The following PKP4 variants were observed in gnomAD, a reference collection of about 807,000 sequenced individuals.
PKP4 encodes plakophilin 4, also known as plakophilin-4.
PKP4 carries 90 observed loss-of-function variants against 145.1 expected under a neutral mutation model. The ratio of observed to expected loss-of-function variants is 0.62; its 90% CI spans 0.52 to 0.74. PKP4 has a LOEUF of 0.74. Among genes scored for constraint, PKP4 ranks in the 30% least tolerant of loss-of-function variants. The pLI is 0.00. For synonymous variants in PKP4, 563 were observed against 577.2 expected (o/e 0.98, Z 0.35); for missense variants, 1,340 against 1,482.7 (o/e 0.90, Z 1.58).
intron 4 of PKP4, among the ~76,000 whole-genome samples, chr2:158,604,085 A>G (rs1462081240): frequency 6.6e-6 from 1 of 152,228 alleles, no homozygotes. Context: ...GTTTAACACA[A>G]GGCAAGTCAC....
chr2:158,561,793 CT>C (rs758042959), intron 2 of PKP4, among the ~76,000 whole-genome samples: 464 of 144,860 alleles, frequency 3.2e-3, no homozygotes, highest in Admixed American at 3.4e-3. Context: ...TCAAGTCAGT[CT>C]TTTTTTTTTT....
chr2:158,667,643 C>T (rs555381199), intron 16 of PKP4, among the ~76,000 whole-genome samples: 1 of 152,274 alleles, frequency 6.6e-6, no homozygotes, highest in Admixed American at 6.5e-5. Flanking sequence ...CAATGGAAGC[C>T]CTTCACACAG....
At chr2:158,581,151 A>G (rs938122653) in intron 3 of PKP4, among the ~76,000 whole-genome samples, 3 of 152,340 alleles carry the variant, frequency 2.0e-5, no homozygotes, top group African/African-American at 4.8e-5. Flanking sequence ...TCTTGGAACC[A>G]GAATCTAAGT....
chr2:158,554,447 A>G (rs1226999098), intron 2 of PKP4, among the ~76,000 whole-genome samples: 1 of 121,444 alleles, frequency 8.2e-6, no homozygotes, highest in Non-Finnish European at 1.8e-5. Context: ...TTTTTTTGAG[A>G]CGGAGTCTAG....
intron 1 of PKP4, among the ~76,000 whole-genome samples, chr2:158,513,232 G>A (rs557282622): frequency 1.6e-4 from 24 of 152,150 alleles, no homozygotes; most frequent in South Asian, 1.5e-3. Flanking sequence ...CTTAGTTTAC[G>A]TCCACCCATT....
At chr2:158,475,403 A>C (rs1454776316) in intron 1 of PKP4, among the ~76,000 whole-genome samples, 1 of 152,138 alleles carries the variant, frequency 6.6e-6, no homozygotes, top group African/African-American at 2.4e-5. Context: ...AGTGTTTTAG[A>C]CACAGAGGTT....
At chr2:158,507,377 C>T (rs948457412) in intron 1 of PKP4, among the ~76,000 whole-genome samples, 2 of 152,020 alleles carry the variant, frequency 1.3e-5, no homozygotes, top group Non-Finnish European at 2.9e-5. Context: ...AGCTGTTAGT[C>T]GAAGGTAAAT....
chr2:158,519,876 A>G (rs1472214183), intron 1 of PKP4, among the ~76,000 whole-genome samples: 1 of 151,802 alleles, frequency 6.6e-6, no homozygotes, highest in African/African-American at 2.4e-5. Context: ...CCTCCATCCT[A>G]TCTTTGTATA....
chr2:158,485,905 A>G (rs934678117), intron 1 of PKP4, among the ~76,000 whole-genome samples: 1 of 152,224 alleles, frequency 6.6e-6, no homozygotes, highest in Non-Finnish European at 1.5e-5. Context: ...AATTAAGGTT[A>G]TGTTTACAGT....
At chr2:158,467,734 G>T (rs901530897) in intron 1 of PKP4, among the ~76,000 whole-genome samples, 2 of 151,920 alleles carry the variant, frequency 1.3e-5, no homozygotes, top group Non-Finnish European at 2.9e-5. Flanking sequence ...GTAGTCTCAG[G>T]TAATTGGGAA....
At chr2:158,527,231 AACTAT>A (rs1215685516) in intron 1 of PKP4, among the ~76,000 whole-genome samples, 2 of 139,836 alleles carry the variant, frequency 1.4e-5, no homozygotes, top group Non-Finnish European at 3.1e-5. Flanking sequence ...CCTGACTTCA[AACTAT>A]ACTACAAGGC....
intron 15 of PKP4, among the ~76,000 whole-genome samples, chr2:158,664,332 G>A (rs1055706537): frequency 6.6e-6 from 1 of 152,156 alleles, no homozygotes; most frequent in Non-Finnish European, 1.5e-5. Flanking sequence ...GCATCTTTTT[G>A]CAAATGTATG....
intron 1 of PKP4, among the ~76,000 whole-genome samples, chr2:158,530,538 A>C (rs2043440030): frequency 7.7e-6 from 1 of 130,532 alleles, no homozygotes; most frequent in Non-Finnish European, 1.5e-5. Flanking sequence ...TGCTAGTGGA[A>C]TGGAGCAATA....
Position 158,642,166 on chromosome 2 carries a change from C to A in PKP4, c.1696-320C>A, listed in dbSNP as rs148101987. Among the ~76,000 whole-genome samples the A allele has an allele frequency of 2.2e-4, 33 of 152,214 alleles. No individual in the cohort carries two copies. In the East Asian group the frequency reaches 6.4e-3, roughly 29 times the overall value. On this transcript the variant is annotated intron_variant, in intron 10 of 21. Transcript: ENST00000389759. ...CCTTCCAAGTAGTTGGGATTACAGG[C>A]GTGTGCCTCAACACCCAGCTAAGTT...
chr2:158,614,166 AT>A, intron 4 of PKP4, among the ~76,000 whole-genome samples: 1 of 152,228 alleles, frequency 6.6e-6, no homozygotes, highest in Non-Finnish European at 1.5e-5. Context: ...AAATGGAAGT[AT>A]TTAGAGTTGA....
chr2:158,558,064 C>T (rs1300442005), intron 2 of PKP4, among the ~76,000 whole-genome samples: 2 of 152,158 alleles, frequency 1.3e-5, no homozygotes, highest in African/African-American at 4.8e-5. Context: ...AGAACACAGG[C>T]CCTAGGGTGA....
At chr2:158,571,732 A>G (rs754364218) in intron 2 of PKP4, among the ~76,000 whole-genome samples, 17 of 152,172 alleles carry the variant, frequency 1.1e-4, no homozygotes, top group Non-Finnish European at 2.1e-4. Context: ...ATATGTCACT[A>G]TGGCCATCAG....
chr2:158,550,533 T>C (rs779666654), intron 2 of PKP4, among the ~76,000 whole-genome samples: 15 of 152,200 alleles, frequency 9.9e-5, no homozygotes, highest in Non-Finnish European at 2.2e-4. Context: ...CAGGGCTGAC[T>C]CCCTGATGGG....
chr2:158,574,216 T>C (rs1372561855), intron 2 of PKP4, among the ~76,000 whole-genome samples: 1 of 152,242 alleles, frequency 6.6e-6, no homozygotes, highest in Admixed American at 6.5e-5. Flanking sequence ...TGGTATTGTT[T>C]GCTAGGCTCT....
Sources: allele counts gnomAD v4.1 joint callset (sites outside exome capture counted in the v4.1 genomes callset), GRCh38; gene constraint gnomAD v4.1.1; transcripts MANE v1.5; gene names NCBI Gene and HGNC (gene_info 2026-07-23, HGNC 2026-07-21).